The following CACNB2 variants were observed in gnomAD, a reference collection of about 807,000 sequenced individuals.
CACNB2 encodes calcium voltage-gated channel auxiliary subunit beta 2.
Under a neutral mutation model 73.3 loss-of-function variants are expected in CACNB2, and 42 were observed. That is an observed-to-expected ratio of 0.57 (90% CI 0.45 to 0.74). The LOEUF is 0.74. Ranked by LOEUF, CACNB2 falls within the 30% of genes least tolerant of loss-of-function variation. The pLI, the probability that CACNB2 is intolerant of heterozygous loss-of-function variation, is 0.00. For missense variants in CACNB2, 940 were observed against 853.0 expected, an observed-to-expected ratio of 1.10 and a Z score of -1.27; for synonymous variants, 348 against 310.3, an observed-to-expected ratio of 1.12 and a Z score of -1.28.
chr10:18,504,494 A>G (rs1206319530), intron 5 of CACNB2, among the ~76,000 whole-genome samples: 1 of 152,198 alleles, frequency 6.6e-6, no homozygotes, highest in Non-Finnish European at 1.5e-5. Context: ...ACATCTCAGA[A>G]CTTACTCCAG....
chr10:18,220,672 G>A (rs544279750), intron 2 of CACNB2, among the ~76,000 whole-genome samples: 2 of 152,032 alleles, frequency 1.3e-5, no homozygotes, highest in East Asian at 1.9e-4. Flanking sequence ...GTAGGTGAGC[G>A]CCTGGCAAGC....
At chr10:18,197,081 C>T (rs1472819293) in intron 2 of CACNB2, among the ~76,000 whole-genome samples, 1 of 152,034 alleles carries the variant, frequency 6.6e-6, no homozygotes, top group Non-Finnish European at 1.5e-5. Context: ...CCTCATTATG[C>T]CTCTTAGCCC....
At chr10:18,172,455 A>G (rs2033308920) in intron 2 of CACNB2, among the ~76,000 whole-genome samples, 1 of 152,142 alleles carries the variant, frequency 6.6e-6, no homozygotes, top group South Asian at 2.1e-4. Context: ...CTGAGATGCC[A>G]TTTGATTGTG....
chr10:18,152,709 CAAAAAA>C (rs772732675), intron 2 of CACNB2, among the ~76,000 whole-genome samples: 1 of 49,352 alleles, frequency 2.0e-5, no homozygotes, highest in Non-Finnish European at 3.7e-5. Flanking sequence ...TGAAACAGAC[CAAAAAA>C]AAAAAAAAAA....
intron 2 of CACNB2, chr10:18,181,793 T>A (rs2033901423): frequency 6.6e-6 from 1 of 151,552 alleles, no homozygotes; most frequent in Non-Finnish European, 1.5e-5. Context: ...TTTTGTATTT[T>A]TTTTTTTTTA....
At chr10:18,261,985 C>T (rs775179648) in intron 2 of CACNB2, 4 of 518,900 alleles carry the variant, frequency 7.7e-6, no homozygotes, top group Middle Eastern at 6.4e-4. Flanking sequence ...TTACACTAGC[C>T]GACCAGCTCC....
chr10:18,449,678 C>T (rs79917876), intron 3 of CACNB2, among the ~76,000 whole-genome samples: 4,288 of 152,312 alleles, frequency 0.028, 78 homozygotes, highest in East Asian at 0.098. Flanking sequence ...AAGCCAGGAA[C>T]GGAGTCCGAG....
intron 2 of CACNB2, among the ~76,000 whole-genome samples, chr10:18,220,929 A>T (rs941765331): frequency 6.6e-6 from 1 of 152,150 alleles, no homozygotes; most frequent in African/African-American, 2.4e-5. Context: ...AAGTTTGGGG[A>T]CCACTAATGT....
At chr10:18,334,522 G>A (rs1252528188) in intron 2 of CACNB2, among the ~76,000 whole-genome samples, 1 of 152,122 alleles carries the variant, frequency 6.6e-6, no homozygotes, top group African/African-American at 2.4e-5. Flanking sequence ...ACTTCACATT[G>A]ACAGCTTTGA....
intron 3 of CACNB2, among the ~76,000 whole-genome samples, chr10:18,483,780 G>A (rs2048915168): frequency 6.6e-6 from 1 of 152,100 alleles, no homozygotes; most frequent in African/African-American, 2.4e-5. Context: ...ATGCTGCTTT[G>A]GAAATTCTTT....
At chr10:18,450,052 A>C (rs2046941441) in intron 3 of CACNB2, among the ~76,000 whole-genome samples, 1 of 152,228 alleles carries the variant, frequency 6.6e-6, no homozygotes, top group Non-Finnish European at 1.5e-5. Flanking sequence ...TCAGTGGAAA[A>C]GTTCTGCTGT....
intron 2 of CACNB2, among the ~76,000 whole-genome samples, chr10:18,209,609 G>A (rs1429721012): frequency 1.3e-5 from 2 of 151,956 alleles, no homozygotes; most frequent in African/African-American, 4.8e-5. Flanking sequence ...TGCTGGTTTG[G>A]GAAGAATTGA....
chr10:18,367,236 C>G (rs11013865), intron 2 of CACNB2, among the ~76,000 whole-genome samples: 1 of 151,442 alleles, frequency 6.6e-6, no homozygotes, highest in Non-Finnish European at 1.5e-5. Context: ...TAGGGACTAG[C>G]ACAAATGTTG....
At chr10:18,466,456 C>T (rs1472204682) in intron 3 of CACNB2, among the ~76,000 whole-genome samples, 1 of 152,066 alleles carries the variant, frequency 6.6e-6, no homozygotes, top group Non-Finnish European at 1.5e-5. Context: ...TGGTCTCAAA[C>T]TCCTGACCAC....
At chr10:18,186,438 A>G (rs999017944) in intron 2 of CACNB2, among the ~76,000 whole-genome samples, 1 of 152,048 alleles carries the variant, frequency 6.6e-6, no homozygotes, top group South Asian at 2.1e-4. Context: ...AAAGAAAGAA[A>G]GAAATACCTG....
intron 2 of CACNB2, among the ~76,000 whole-genome samples, chr10:18,320,331 A>ATTTGC (rs972212849): frequency 2.6e-5 from 4 of 151,998 alleles, no homozygotes; most frequent in African/African-American, 7.3e-5. Flanking sequence ...TGTTTGTTTC[A>ATTTGC]TTTGCTTTGC....
chr10:18,301,864 G>A (rs1174961705), intron 2 of CACNB2, among the ~76,000 whole-genome samples: 2 of 151,846 alleles, frequency 1.3e-5, no homozygotes, highest in Non-Finnish European at 1.5e-5. Context: ...GGCCAGGCTG[G>A]TCTCGATCTC....
intron 5 of CACNB2, among the ~76,000 whole-genome samples, chr10:18,504,714 G>T (rs892506499): frequency 2.6e-5 from 4 of 152,044 alleles, no homozygotes; most frequent in African/African-American, 9.7e-5. Context: ...GCGCAGTCTC[G>T]ACTCACTGCA....
intron 2 of CACNB2, among the ~76,000 whole-genome samples, chr10:18,308,345 G>A (rs961746755): frequency 6.6e-6 from 1 of 152,052 alleles, no homozygotes; most frequent in South Asian, 2.1e-4. Context: ...TACATGTGCA[G>A]GTTTGCTGTA....
Sources: gnomAD v4.1 joint callset for allele counts (sites outside exome capture counted in the v4.1 genomes callset) on GRCh38, gnomAD v4.1.1 for gene constraint, MANE v1.5 for transcripts, NCBI Gene and HGNC (gene_info 2026-07-23, HGNC 2026-07-21) for gene names.